TYW1B: variants seen among roughly 807,000 people sequenced by gnomAD.
TYW1B encodes tRNA-yW synthesizing protein 1 homolog B.
Under a neutral mutation model 86.9 loss-of-function variants are expected in TYW1B, and 73 were observed. The observed-to-expected ratio is 0.84, with a 90% CI of 0.70 to 1.02. TYW1B has a LOEUF of 1.02. Ranked by LOEUF, TYW1B falls within the 50% of genes least tolerant of loss-of-function variation. TYW1B has a pLI of 0.00. For missense variants in TYW1B, 637 were observed against 827.4 expected (o/e 0.77, Z 2.82); for synonymous variants, 248 against 292.8 (o/e 0.85, Z 1.56).
At chr7:72,705,253 A>G (rs1305402190) in intron 10 of TYW1B, among the ~76,000 whole-genome samples, 15 of 152,222 alleles carry the variant, frequency 9.9e-5, no homozygotes, top group Admixed American at 7.9e-4. Flanking sequence ...CTATGCACCT[A>G]ATACATAAAG....
chr7:72,687,488 G>T (rs1317064837), intron 11 of TYW1B, among the ~76,000 whole-genome samples: 3 of 152,016 alleles, frequency 2.0e-5, no homozygotes, highest in Non-Finnish European at 4.4e-5. Flanking sequence ...GATATATTCA[G>T]TACCTGTATC....
intron 13 of TYW1B, among the ~76,000 whole-genome samples, chr7:72,609,953 A>G (rs868992499): frequency 6.6e-6 from 1 of 152,204 alleles, no homozygotes; most frequent in South Asian, 2.1e-4. Flanking sequence ...GTGGGAACAG[A>G]GTACTCACTG....
chr7:72,802,305 C>T, intron 6 of TYW1B, 95 bp downstream of exon 6: 2 of 1,527,152 alleles, frequency 1.3e-6, no homozygotes, highest in South Asian at 1.3e-5. Context: ...AATGAAACTC[C>T]TCTGTGAGCT....
chr7:72,765,650 G>C (rs1554468186), intron 7 of TYW1B, among the ~76,000 whole-genome samples: 1 of 152,104 alleles, frequency 6.6e-6, no homozygotes. Context: ...ATTTTTAGTA[G>C]AGATGGGGTT....
In TYW1B at chr7:72,578,617, T is replaced by C. The variant is rs550829958; in HGVS notation, c.1786-2898A>G. On this transcript the variant is annotated intron_variant, in intron 13 of 13. Transcript: ENST00000620995. Reference sequence around the variant, plus strand: ...TGACTGACATGACATTAACATGTAATTTAACATGCATGACAGTCAAATGAG... The same window carrying C: ...TGACTGACATGACATTAACATGTAACTTAACATGCATGACAGTCAAATGAG... 1.1e-4 allele frequency among the ~76,000 whole-genome samples: 17 copies of C among 152,324 alleles called. No individual in the cohort carries two copies. The South Asian group carries it at 3.3e-3, about 30-fold the overall frequency.
At chr7:72,662,428 T>TAGATAGAC (rs1813353810) in intron 11 of TYW1B, among the ~76,000 whole-genome samples, 1 of 102,618 alleles carries the variant, frequency 9.7e-6, no homozygotes, top group Non-Finnish European at 2.2e-5. Context: ...TATATATATA[T>TAGATAGAC]AGATAGATAG....
chr7:72,727,238 G>A (rs570196862), intron 9 of TYW1B, among the ~76,000 whole-genome samples: 6 of 152,188 alleles, frequency 3.9e-5, no homozygotes, highest in African/African-American at 1.4e-4. Context: ...TAATTACTGA[G>A]GTTTCTAAAG....
At chr7:72,656,002 G>A (rs1554443571) in intron 11 of TYW1B, among the ~76,000 whole-genome samples, 1 of 152,174 alleles carries the variant, frequency 6.6e-6, no homozygotes, top group Non-Finnish European at 1.5e-5. Context: ...GCATGAGCAT[G>A]CCACCTGGAG....
intron 11 of TYW1B, among the ~76,000 whole-genome samples, chr7:72,632,615 G>A (rs1221642553): frequency 8.3e-5 from 12 of 144,714 alleles, no homozygotes; most frequent in Non-Finnish European, 1.3e-4. Flanking sequence ...AGCCATGATG[G>A]ATTTATAAAT....
intron 6 of TYW1B, among the ~76,000 whole-genome samples, chr7:72,778,488 C>T (rs1400297598): frequency 1.1e-4 from 16 of 152,224 alleles, no homozygotes; most frequent in African/African-American, 2.2e-4. Flanking sequence ...CTCGCTTTGT[C>T]GCCCAGGCCA....
At chr7:72,729,231 A>C (rs1464072809) in intron 8 of TYW1B, among the ~76,000 whole-genome samples, 1 of 152,194 alleles carries the variant, frequency 6.6e-6, no homozygotes, top group Non-Finnish European at 1.5e-5. Flanking sequence ...ATGAATGTAC[A>C]CAAACAAGGC....
At chr7:72,703,765 G>A (rs1386686354) in intron 10 of TYW1B, among the ~76,000 whole-genome samples, 1 of 150,946 alleles carries the variant, frequency 6.6e-6, no homozygotes, top group African/African-American at 2.4e-5. Flanking sequence ...TGAGGTGGGA[G>A]AATCACTTGA....
rs782365190 is a variant in TYW1B at position 72,616,707 on chromosome 7, C to T, written c.1750G>A (p.Glu584Lys). 5.6e-6 allele frequency: 9 copies of T among 1,614,032 alleles called. No homozygotes were observed. In the African/African-American group the frequency reaches 9.3e-5, roughly 17 times the overall value. ...GCTATCAGGAGGCAATTAGAGTGTT[C>T]GTGTTCACATGCAATTTCATATTCG... ...IPEYEIACEH[E>K]HSNCLLIAHR... Residue 584 changes from glutamate to lysine, a missense_variant, in exon 13 of 14, where the codon GAA becomes AAA. By Grantham distance (56) the Glu-to-Lys change is moderately conservative. Transcript: ENST00000620995.
At chr7:72,748,881 C>CT (rs752959028) in intron 7 of TYW1B, among the ~76,000 whole-genome samples, 18 of 152,048 alleles carry the variant, frequency 1.2e-4, no homozygotes, top group Non-Finnish European at 2.5e-4. Context: ...AGAGATTAGT[C>CT]TTTAGTCCTC....
intron 5 of TYW1B, among the ~76,000 whole-genome samples, chr7:72,805,304 G>A (rs1788474380): frequency 6.9e-6 from 1 of 144,656 alleles, no homozygotes. Context: ...GAGCCACCAC[G>A]CCCGGCCAGA....
chr7:72,793,754 CA>C (rs11327564), intron 6 of TYW1B, among the ~76,000 whole-genome samples: 10,900 of 70,808 alleles, frequency 0.15, 628 homozygotes, highest in East Asian at 0.42. Flanking sequence ...GACTCCGTCT[CA>C]AAAAAAAAAA....
intron 7 of TYW1B, among the ~76,000 whole-genome samples, chr7:72,746,919 C>G (rs1318787562): frequency 6.6e-6 from 1 of 152,150 alleles, no homozygotes; most frequent in Non-Finnish European, 1.5e-5. Flanking sequence ...AATGATGTCT[C>G]CAAATGTTTA....
intron 12 of TYW1B, 65 bp downstream of exon 12, chr7:72,628,822 T>C (rs200298653): frequency 5.8e-4 from 798 of 1,370,868 alleles, no homozygotes; most frequent in Non-Finnish European, 7.3e-4. Flanking sequence ...AACTCCACGA[T>C]GGCCAACGAA....
At chr7:72,716,189 G>A (rs1227405051) in intron 9 of TYW1B, among the ~76,000 whole-genome samples, 9 of 152,220 alleles carry the variant, frequency 5.9e-5, no homozygotes, top group African/African-American at 1.2e-4. Context: ...TGCCCGCCTC[G>A]GCCTCCCAAA....
Sources: gnomAD v4.1 joint callset for allele counts (sites outside exome capture counted in the v4.1 genomes callset) on GRCh38, gnomAD v4.1.1 for gene constraint, MANE v1.5 for transcripts, NCBI Gene and HGNC (gene_info 2026-07-23, HGNC 2026-07-21) for gene names.